The following LRRK1 variants were observed in gnomAD, a reference collection of about 807,000 sequenced individuals.
The protein encoded by LRRK1 is leucine rich repeat kinase 1.
A neutral mutation model predicts 209.1 loss-of-function variants in LRRK1; 113 were observed. That is an observed-to-expected ratio of 0.54 (90% CI 0.46 to 0.63). The LOEUF is 0.63. Among genes scored for constraint, LRRK1 ranks in the 30% least tolerant of loss-of-function variants. The pLI, the probability that LRRK1 is intolerant of heterozygous loss-of-function variation, is 0.00. For missense variants in LRRK1, 2,284 were observed against 2,632.2 expected (o/e 0.87, Z 2.89); for synonymous variants, 1,144 against 1,099.7 (o/e 1.04, Z -0.80).
At chr15:101,057,863 G>C (rs2035901526) in intron 28 of LRRK1, 127 bp from the exon 29 acceptor site, 2 of 1,032,296 alleles carry the variant, frequency 1.9e-6, no homozygotes, top group South Asian at 3.1e-5. Context: ...CCTCTTGTTT[G>C]GATCTAGTCT....
intron 23 of LRRK1, among the ~76,000 whole-genome samples, chr15:101,051,156 G>A (rs1359450733): frequency 2.0e-5 from 3 of 152,216 alleles, no homozygotes; most frequent in Non-Finnish European, 2.9e-5. Context: ...GCAGTTGGCC[G>A]GCCCTGAGGG....
At position 101,056,138 on chromosome 15, in the gene LRRK1, C is replaced by G. The variant is rs547551982; in HGVS notation, c.4333-718C>G. Among the ~76,000 whole-genome samples, 6 of 152,346 alleles carry G rather than the reference C, an allele frequency of 3.9e-5. No homozygotes were observed. In the East Asian group the frequency reaches 1.2e-3, roughly 29 times the overall value. On this transcript the variant is annotated intron_variant, in intron 27 of 33. Coordinates refer to ENST00000388948, the MANE Select transcript of LRRK1 (RefSeq NM_024652.6). Reference sequence around the variant, plus strand: ...AAGTCTATCTATCTCAGTCATTCTCCTGCTAAAATGTTATTTCTTGACCCT... The same window carrying G: ...AAGTCTATCTATCTCAGTCATTCTCGTGCTAAAATGTTATTTCTTGACCCT...
At chr15:101,032,884 T>C (rs2034343400) in intron 20 of LRRK1, among the ~76,000 whole-genome samples, 1 of 152,222 alleles carries the variant, frequency 6.6e-6, no homozygotes, top group African/African-American at 2.4e-5. Flanking sequence ...ACCCCACTGA[T>C]TATTGTAGCT....
chr15:101,017,942 T>A (rs1329721908), intron 12 of LRRK1, among the ~76,000 whole-genome samples: 1 of 151,734 alleles, frequency 6.6e-6, no homozygotes, highest in African/African-American at 2.4e-5. Flanking sequence ...TTAAGGAATA[T>A]AGGTATAACT....
chr15:101,027,296 G>T lies in LRRK1; in HGVS notation c.2441G>T (p.Gly814Val), dbSNP rs774702868. 1 of 1,614,156 alleles carries T rather than the reference G, an allele frequency of 6.2e-7. No individual in the cohort carries two copies. Among genetic ancestry groups the T allele is most frequent in the Non-Finnish European group, 8.5e-7 (1 of 1,180,036 alleles). ...ISCKSLEGQE[G>V]LRQLIFHVTC... The stretch of plus-strand genomic sequence containing the variant: ...TGCAAGAGCCTGGAAGGTCAGGAAG[G>T]GCTGCGACAGCTGATTTTCCACGTC... Residue 814 changes from glycine (G) to valine (V), a missense_variant, in exon 18 of 34, where the codon GGG becomes GTG. Gly to Val is a moderately radical substitution (Grantham distance 109, BLOSUM62 -3). Coordinates refer to ENST00000388948, the MANE Select transcript of LRRK1 (RefSeq NM_024652.6). The surrounding 1 kb of genome is among the most constrained non-coding windows in gnomAD (Gnocchi z 5.1).
Position 101,046,036 on chromosome 15 carries a change from C to T in LRRK1, c.3019C>T (p.Arg1007Trp), listed in dbSNP as rs370459525. 3.7e-5 allele frequency: 60 copies of T among 1,614,154 alleles called. No individual in the cohort carries two copies. The African/African-American group carries it at 5.1e-4, about 14-fold the overall frequency. The change falls in exon 21 of 34, where the codon CGG (arginine) becomes TGG (tryptophan). Residue 1007 changes from arginine to tryptophan, a missense_variant. Transcript: ENST00000388948. ...ACCTGGCCTGGACACCCACGGTATG[C>T]GGCACCCCACAGCCAACACCATTCA... ...SKPGLDTHGM[R>W]HPTANTIQRV...
chr15:100,926,295 G>A (rs1431780070), intron 2 of LRRK1, among the ~76,000 whole-genome samples: 3 of 152,016 alleles, frequency 2.0e-5, no homozygotes, highest in Non-Finnish European at 4.4e-5. Flanking sequence ...CGCAGTCCCC[G>A]ATTTGGGGGT....
At chr15:101,066,816 A>C in intron 33 of LRRK1, 75 bp downstream of exon 33, 2 of 1,196,906 alleles carry the variant, frequency 1.7e-6, no homozygotes, top group Non-Finnish European at 2.5e-6. Context: ...CAGGTCCTGC[A>C]CAGTGGCTTT....
chr15:100,974,057 C>T (rs1596222836), intron 3 of LRRK1, 90 bp downstream of exon 3: 1 of 1,080,028 alleles, frequency 9.3e-7, no homozygotes. Context: ...ATTGTCATAA[C>T]GGTAATGGGC....
intron 4 of LRRK1, among the ~76,000 whole-genome samples, chr15:100,987,177 C>T (rs1202476407): frequency 6.6e-6 from 1 of 152,182 alleles, no homozygotes; most frequent in Non-Finnish European, 1.5e-5. Context: ...CAGCCCTATG[C>T]TACATGCTTT....
At chr15:101,021,234 G>A (rs2033771423) in intron 13 of LRRK1, 52 bp downstream of exon 13, 5 of 1,604,324 alleles carry the variant, frequency 3.1e-6, no homozygotes, top group East Asian at 2.2e-5. Context: ...CAGAGAGGCA[G>A]AACGCCCATC....
intron 2 of LRRK1, among the ~76,000 whole-genome samples, chr15:100,972,339 A>ATAT (rs1567208132): frequency 1.0e-5 from 1 of 97,584 alleles, no homozygotes; most frequent in African/African-American, 3.7e-5. Context: ...TATATATGAG[A>ATAT]GAGAGAGAGA....
At chr15:100,981,389 A>T (rs2031590078) in intron 3 of LRRK1, among the ~76,000 whole-genome samples, 1 of 152,182 alleles carries the variant, frequency 6.6e-6, no homozygotes, top group African/African-American at 2.4e-5. Flanking sequence ...ACTGGGCCTC[A>T]CCCTGGGCAG....
At chr15:101,031,076 G>A (rs553087597) in intron 20 of LRRK1, among the ~76,000 whole-genome samples, 4 of 152,262 alleles carry the variant, frequency 2.6e-5, no homozygotes, top group South Asian at 2.1e-4. Flanking sequence ...CACTGCAAAT[G>A]CTGTTAATTC....
chr15:101,030,559 G>C lies in LRRK1; in HGVS notation c.2963+1327G>C, dbSNP rs139627615. ...CTCTCCTCTGCTGTGTGGTCCCACC[G>C]ATCACCTTCCCCCACGCCCCACCCA... On this transcript the variant is annotated intron_variant, in intron 20 of 33. Transcript: ENST00000388948. Among the ~76,000 whole-genome samples the C allele has an allele frequency of 3.5e-3, 534 of 152,106 alleles. 3 individuals carry two copies. The highest frequency in any genetic ancestry group is 0.012 in the African/African-American group (511 of 41,476).
intron 2 of LRRK1, among the ~76,000 whole-genome samples, chr15:100,951,041 T>C (rs953680477): frequency 1.3e-5 from 2 of 152,212 alleles, no homozygotes; most frequent in Non-Finnish European, 2.9e-5. Context: ...AGGCGGAGCT[T>C]GCAGGGAGCA....
At chr15:100,922,510 G>A (rs777774965) in intron 1 of LRRK1, among the ~76,000 whole-genome samples, 3 of 152,070 alleles carry the variant, frequency 2.0e-5, no homozygotes, top group East Asian at 1.9e-4. Context: ...AATGTCTAGC[G>A]TTTGGATTTT....
chr15:100,934,657 C>G (rs563174942), intron 2 of LRRK1, among the ~76,000 whole-genome samples: 75 of 144,726 alleles, frequency 5.2e-4, no homozygotes, highest in Non-Finnish European at 6.8e-4. Flanking sequence ...AAAAAATTAG[C>G]CGGTCGTGGA....
At chr15:100,953,139 CA>C in intron 2 of LRRK1, among the ~76,000 whole-genome samples, 1 of 152,218 alleles carries the variant, frequency 6.6e-6, no homozygotes, top group African/African-American at 2.4e-5. Context: ...TGTGTATTAA[CA>C]ACACTTAAGA....
Sources: allele counts gnomAD v4.1 joint callset (sites outside exome capture counted in the v4.1 genomes callset), GRCh38; gene constraint gnomAD v4.1.1; non-coding constraint Gnocchi (gnomAD v3.1); transcripts MANE v1.5; gene names NCBI Gene and HGNC (gene_info 2026-07-23, HGNC 2026-07-21).